Variants in PHACTR3 observed in about 807,000 individuals in gnomAD.
The protein encoded by PHACTR3 is protein phosphatase 1, regulatory subunit 123.
PHACTR3 carries 16 observed loss-of-function variants against 66.8 expected under a neutral mutation model. The observed-to-expected ratio is 0.24, with a 90% CI of 0.16 to 0.36. PHACTR3 has a LOEUF of 0.36. PHACTR3 is among the 10% of genes least tolerant of loss of function. PHACTR3 has a pLI of 1.00. For missense variants in PHACTR3, 647 were observed against 719.9 expected (o/e 0.90, Z 1.16); for synonymous variants, 323 against 292.1 (o/e 1.11, Z -1.08).
intron 7 of PHACTR3, among the ~76,000 whole-genome samples, chr20:59,787,974 T>G (rs2040969500): frequency 6.6e-6 from 1 of 152,192 alleles, no homozygotes; most frequent in African/African-American, 2.4e-5. Context: ...TTATTTTATT[T>G]CTTCCATAAG....
At chr20:59,731,984 G>T (rs764544697) in intron 1 of PHACTR3, among the ~76,000 whole-genome samples, 19 of 152,166 alleles carry the variant, frequency 1.2e-4, no homozygotes, top group Non-Finnish European at 1.9e-4. Flanking sequence ...GACAGCTTTT[G>T]TGGGGTTATT....
chr20:59,651,282 C>A (rs6027020), intron 1 of PHACTR3, among the ~76,000 whole-genome samples: 1 of 152,098 alleles, frequency 6.6e-6, no homozygotes, highest in Non-Finnish European at 1.5e-5. Flanking sequence ...TCTAAAGTAG[C>A]GTAACTTTTC....
chr20:59,766,372 G>A (rs2040181741), intron 4 of PHACTR3, among the ~76,000 whole-genome samples: 1 of 152,234 alleles, frequency 6.6e-6, no homozygotes, highest in African/African-American at 2.4e-5. Context: ...AACTTTTCCA[G>A]AGAGTTAAAT....
At chr20:59,620,387 G>A (rs2034187314) in intron 1 of PHACTR3, among the ~76,000 whole-genome samples, 1 of 152,112 alleles carries the variant, frequency 6.6e-6, no homozygotes, top group Non-Finnish European at 1.5e-5. Context: ...CTGCTAACAT[G>A]CTTTTCTATC....
rs772925200 is a variant in PHACTR3, at chr20:59,609,048, G to A, written c.118+3916G>A. ...GCGCTGGTGTCTCAACCTATGTGGC[G>A]GTGCCTGGCCAGGCAACTGGCCACT... On this transcript the variant is annotated intron_variant, in intron 1 of 12. Coordinates refer to ENST00000371015, the MANE Select transcript of PHACTR3 (RefSeq NM_080672.5). Among the ~76,000 whole-genome samples, 11 of 152,314 alleles carry A rather than the reference G, an allele frequency of 7.2e-5. No individual in the cohort carries two copies. In the East Asian group the frequency reaches 1.5e-3, roughly 21 times the overall value.
intron 1 of PHACTR3, among the ~76,000 whole-genome samples, chr20:59,660,386 C>A (rs1483885903): frequency 6.6e-6 from 1 of 152,222 alleles, no homozygotes; most frequent in African/African-American, 2.4e-5. Context: ...CCCAGCTACT[C>A]TGGAGGCTGA....
chr20:59,816,179 A>G (rs183055870), intron 8 of PHACTR3, among the ~76,000 whole-genome samples: 1 of 152,070 alleles, frequency 6.6e-6, no homozygotes, highest in African/African-American at 2.4e-5. Context: ...GATTCTCATA[A>G]GAAGTGTGCA....
rs533051209 is a variant in PHACTR3 at position 59,718,874 on chromosome 20, C to T, written c.119-24233C>T. Among the ~76,000 whole-genome samples, 466 of 152,310 alleles carry T rather than the reference C, an allele frequency of 3.1e-3. 1 individual carries two copies. Among genetic ancestry groups the T allele is most frequent in the Non-Finnish European group, 4.8e-3 (327 of 68,024 alleles). The stretch of plus-strand genomic sequence containing the variant: ...TGTTGCAAGCAGCTGTGAATGGTTG[C>T]GTCGTTTTGCTTGGCCTACGCATGG... On this transcript the variant is annotated intron_variant, in intron 1 of 12. Coordinates refer to ENST00000371015, the MANE Select transcript of PHACTR3 (RefSeq NM_080672.5).
intron 8 of PHACTR3, among the ~76,000 whole-genome samples, chr20:59,810,188 G>A (rs113506643): frequency 1.4e-4 from 22 of 152,196 alleles, no homozygotes; most frequent in South Asian, 6.2e-4. Flanking sequence ...GGTCCCCACC[G>A]CCGACTGTGA....
intron 11 of PHACTR3, chr20:59,843,700 A>C (rs994535054): frequency 2.0e-5 from 3 of 152,114 alleles, no homozygotes; most frequent in Non-Finnish European, 4.4e-5. Context: ...ATAAAGACTT[A>C]AATGTAAGAC....
intron 1 of PHACTR3, among the ~76,000 whole-genome samples, chr20:59,665,274 T>C (rs2146488504): frequency 6.6e-6 from 1 of 152,316 alleles, no homozygotes; most frequent in Middle Eastern, 3.4e-3. Flanking sequence ...GGACAGATTC[T>C]CAGACACGAA....
At chr20:59,716,600 G>A (rs1324099132) in intron 1 of PHACTR3, among the ~76,000 whole-genome samples, 3 of 152,042 alleles carry the variant, frequency 2.0e-5, no homozygotes, top group Non-Finnish European at 4.4e-5. Flanking sequence ...TTTTTAGAGA[G>A]GACTTTCTTG....
chr20:59,727,398 G>T (rs73303190), intron 1 of PHACTR3, among the ~76,000 whole-genome samples: 4,036 of 152,224 alleles, frequency 0.027, 185 homozygotes, highest in African/African-American at 0.092. Flanking sequence ...TGATGTAAAA[G>T]TGCCAGTCGT....
intron 3 of PHACTR3, among the ~76,000 whole-genome samples, chr20:59,754,893 G>T (rs1013086632): frequency 2.6e-5 from 4 of 152,250 alleles, no homozygotes; most frequent in Non-Finnish European, 4.4e-5. Context: ...ACGGCAGTGG[G>T]TGTGGACGTG....
At chr20:59,837,209 T>C (rs930039157) in intron 9 of PHACTR3, among the ~76,000 whole-genome samples, 1 of 152,250 alleles carries the variant, frequency 6.6e-6, no homozygotes, top group Non-Finnish European at 1.5e-5. Context: ...GTTTCTCCAA[T>C]AGTTCTTTAT....
At chr20:59,626,276 G>A (rs368480841) in intron 1 of PHACTR3, among the ~76,000 whole-genome samples, 11 of 152,182 alleles carry the variant, frequency 7.2e-5, no homozygotes, top group Non-Finnish European at 1.5e-4. Context: ...GAGTAGTCTC[G>A]TGGGATGAGG....
chr20:59,739,646 A>G (rs1007166678), intron 1 of PHACTR3, among the ~76,000 whole-genome samples: 21 of 152,148 alleles, frequency 1.4e-4, no homozygotes, highest in African/African-American at 5.1e-4. Context: ...CCCTGATCCA[A>G]TCACCTCCAC....
chr20:59,585,549 C>T (rs76140447), intron 1 of PHACTR3, among the ~76,000 whole-genome samples: 351 of 152,298 alleles, frequency 2.3e-3, no homozygotes, highest in African/African-American at 7.8e-3. Flanking sequence ...TCACCCTGTT[C>T]ACTCTCTTGT....
At chr20:59,711,356 C>T (rs749398234) in intron 1 of PHACTR3, among the ~76,000 whole-genome samples, 23 of 152,112 alleles carry the variant, frequency 1.5e-4, no homozygotes, top group Non-Finnish European at 3.1e-4. Flanking sequence ...CATTGCCAAA[C>T]GTTTTCTCAG....
Sources: gnomAD v4.1 joint callset for allele counts (sites outside exome capture counted in the v4.1 genomes callset) on GRCh38, gnomAD v4.1.1 for gene constraint, MANE v1.5 for transcripts, NCBI Gene and HGNC (gene_info 2026-07-23, HGNC 2026-07-21) for gene names.